KIF16B: variants seen among roughly 807,000 people sequenced by gnomAD.
KIF16B encodes the protein kinesin-like protein KIF16B.
In KIF16B, 98 loss-of-function variants were observed where a neutral mutation model predicts 156.3. The ratio of observed to expected loss-of-function variants is 0.63; its 90% CI spans 0.53 to 0.74. The LOEUF (loss-of-function observed/expected upper bound fraction) is 0.74, where lower values mean the gene tolerates loss of function less well. Among genes scored for constraint, KIF16B ranks in the 30% least tolerant of loss-of-function variants. The pLI, the probability that KIF16B is intolerant of heterozygous loss-of-function variation, is 0.00. For synonymous variants in KIF16B, 564 were observed against 583.7 expected (o/e 0.97, Z 0.49); for missense variants, 1,421 against 1,606.5 (o/e 0.88, Z 1.97).
chr20:16,365,933 A>G (rs1410821663), intron 22 of KIF16B, among the ~76,000 whole-genome samples: 1 of 152,198 alleles, frequency 6.6e-6, no homozygotes, highest in Non-Finnish European at 1.5e-5. Flanking sequence ...TGAGCAAGAC[A>G]GAAGCACGTC....
chr20:16,419,923 T>C (rs1256941464), intron 15 of KIF16B, among the ~76,000 whole-genome samples: 3 of 152,178 alleles, frequency 2.0e-5, no homozygotes, highest in Non-Finnish European at 2.9e-5. Context: ...TCAAGTTTTA[T>C]GGACTAGTAT....
At chr20:16,484,952 A>T (rs1178740904) in intron 12 of KIF16B, among the ~76,000 whole-genome samples, 1 of 152,178 alleles carries the variant, frequency 6.6e-6, no homozygotes, top group African/African-American at 2.4e-5. Context: ...AAATGACAAG[A>T]ATTATTGATC....
chr20:16,332,572 G>A (rs2063966498), intron 24 of KIF16B, among the ~76,000 whole-genome samples: 1 of 151,992 alleles, frequency 6.6e-6, no homozygotes, highest in South Asian at 2.1e-4. Flanking sequence ...GTAATTATAA[G>A]CCACAAAATT....
intron 19 of KIF16B, among the ~76,000 whole-genome samples, chr20:16,377,799 G>A (rs911002355): frequency 6.6e-6 from 1 of 152,174 alleles, no homozygotes. Context: ...TCCAGAAAAG[G>A]TGTCCTCAAA....
At chr20:16,543,280 T>C (rs1190901736) in intron 1 of KIF16B, among the ~76,000 whole-genome samples, 3 of 152,208 alleles carry the variant, frequency 2.0e-5, no homozygotes, top group African/African-American at 4.8e-5. Context: ...GTTTCATCCC[T>C]TCTTCTGAAT....
chr20:16,522,628 A>C (rs1235597819), intron 3 of KIF16B, among the ~76,000 whole-genome samples: 1 of 152,188 alleles, frequency 6.6e-6, no homozygotes, highest in Non-Finnish European at 1.5e-5. Context: ...GAAAATTAAC[A>C]AGGATATTCA....
intron 18 of KIF16B, among the ~76,000 whole-genome samples, chr20:16,380,620 G>A (rs1200194362): frequency 6.6e-6 from 1 of 152,146 alleles, no homozygotes; most frequent in African/African-American, 2.4e-5. Flanking sequence ...CATGATAATC[G>A]ACAGTTCATT....
intron 22 of KIF16B, among the ~76,000 whole-genome samples, chr20:16,357,225 A>G (rs2064461030): frequency 6.6e-6 from 1 of 152,242 alleles, no homozygotes; most frequent in South Asian, 2.1e-4. Flanking sequence ...TAGAATCATA[A>G]TTATAGTTAG....
intron 12 of KIF16B, among the ~76,000 whole-genome samples, chr20:16,447,491 C>T (rs557019477): frequency 2.6e-5 from 4 of 151,802 alleles, no homozygotes; most frequent in South Asian, 2.1e-4. Context: ...ATGCCTATTG[C>T]GGCTGGGTGC....
chr20:16,296,589 T>C (rs1192528131), intron 25 of KIF16B, among the ~76,000 whole-genome samples: 1 of 152,154 alleles, frequency 6.6e-6, no homozygotes, highest in African/African-American at 2.4e-5. Context: ...CTCAAACACC[T>C]TGTAAATGAG....
intron 22 of KIF16B, among the ~76,000 whole-genome samples, chr20:16,362,653 A>G (rs1024491057): frequency 1.3e-5 from 2 of 152,240 alleles, no homozygotes; most frequent in African/African-American, 4.8e-5. Context: ...TATATTCTAG[A>G]GTAGAAAAGT....
chr20:16,386,623 T>C (rs1354151911), intron 17 of KIF16B, among the ~76,000 whole-genome samples: 4 of 151,562 alleles, frequency 2.6e-5, no homozygotes, highest in African/African-American at 9.7e-5. Context: ...TAAATCCTTG[T>C]ATCAACAAGC....
intron 25 of KIF16B, among the ~76,000 whole-genome samples, chr20:16,289,851 A>G (rs1172086698): frequency 1.3e-5 from 2 of 152,186 alleles, no homozygotes; most frequent in Non-Finnish European, 2.9e-5. Context: ...AAAAACAAAC[A>G]AAGAAAAGAG....
intron 17 of KIF16B, among the ~76,000 whole-genome samples, chr20:16,393,747 G>A (rs1568929544): frequency 6.6e-6 from 1 of 152,236 alleles, no homozygotes; most frequent in Non-Finnish European, 1.5e-5. Flanking sequence ...GATAGAGGAT[G>A]CTATGAATAA....
intron 12 of KIF16B, among the ~76,000 whole-genome samples, chr20:16,478,769 T>C (rs2067891844): frequency 6.6e-6 from 1 of 152,194 alleles, no homozygotes; most frequent in South Asian, 2.1e-4. Context: ...TCAGCTATTG[T>C]TGTTAATCTC....
chr20:16,335,882 T>C (rs768751024), intron 24 of KIF16B, 44 bp downstream of exon 24: 1 of 1,221,070 alleles, frequency 8.2e-7, no homozygotes, highest in Admixed American at 1.8e-5. Context: ...ATTTACTTTA[T>C]AAAATGAATG....
chr20:16,304,046 G>C (rs531711231), intron 25 of KIF16B, among the ~76,000 whole-genome samples: 2 of 152,280 alleles, frequency 1.3e-5, no homozygotes, highest in Admixed American at 6.5e-5. Flanking sequence ...TCCCTGAGTG[G>C]TTAGCCATCA....
chr20:16,561,586 C>T (rs78349848), intron 1 of KIF16B, among the ~76,000 whole-genome samples: 1 of 151,756 alleles, frequency 6.6e-6, no homozygotes, highest in East Asian at 1.9e-4. Context: ...GTATCTCCCC[C>T]AAGATATTTA....
chr20:16,566,517 T>C (rs1360520274), intron 1 of KIF16B, among the ~76,000 whole-genome samples: 1 of 152,242 alleles, frequency 6.6e-6, no homozygotes, highest in South Asian at 2.1e-4. Flanking sequence ...TGCCTAATAA[T>C]ATACCTGATA....
Sources: gnomAD v4.1 joint callset for allele counts (sites outside exome capture counted in the v4.1 genomes callset) on GRCh38, gnomAD v4.1.1 for gene constraint, MANE v1.5 for transcripts, NCBI Gene and HGNC (gene_info 2026-07-23, HGNC 2026-07-21) for gene names.